PRMT3: variants seen among roughly 807,000 people sequenced by gnomAD.
PRMT3 encodes protein arginine methyltransferase 3.
PRMT3 carries 62 observed loss-of-function variants against 71.9 expected under a neutral mutation model. The observed-to-expected ratio is 0.86, with a 90% CI of 0.70 to 1.07. The LOEUF is 1.07. PRMT3 is among the 50% of genes least tolerant of loss of function. The pLI is 0.00. For synonymous variants in PRMT3, 213 were observed against 220.4 expected, an observed-to-expected ratio of 0.97 and a Z score of 0.30; for missense variants, 663 against 643.0, an observed-to-expected ratio of 1.03 and a Z score of -0.34.
chr11:20,459,067 C>T (rs775675240), intron 11 of PRMT3, among the ~76,000 whole-genome samples: 9 of 152,200 alleles, frequency 5.9e-5, no homozygotes, highest in Non-Finnish European at 7.4e-5. Flanking sequence ...TTCAACTCTG[C>T]CACTGTAGTG....
At chr11:20,426,002 A>G (rs1849537267) in intron 9 of PRMT3, among the ~76,000 whole-genome samples, 1 of 152,242 alleles carries the variant, frequency 6.6e-6, no homozygotes. Context: ...TGTAAACTTA[A>G]CCAGCAGCTT....
At chr11:20,394,674 C>T (rs1325792012) in intron 5 of PRMT3, among the ~76,000 whole-genome samples, 1 of 152,174 alleles carries the variant, frequency 6.6e-6, no homozygotes, top group Non-Finnish European at 1.5e-5. Flanking sequence ...ACTATAGTCA[C>T]TTTACAATAG....
Position 20,497,414 on chromosome 11 carries a change from C to A in PRMT3, c.1486+3160C>A, listed in dbSNP as rs900303818. Among the ~76,000 whole-genome samples the A allele has an allele frequency of 5.9e-5, 9 of 152,082 alleles. No homozygotes were observed. In the East Asian group the frequency reaches 1.5e-3, roughly 26 times the overall value. On this transcript the variant is annotated intron_variant, in intron 15 of 15. Transcript: ENST00000331079. ...CCAATGTATCACAAAATATTAGAAT[C>A]CCCTAAGAGAGTACAAGCTGAAGAA...
At chr11:20,451,226 G>A (rs913227165) in intron 10 of PRMT3, among the ~76,000 whole-genome samples, 8 of 151,658 alleles carry the variant, frequency 5.3e-5, no homozygotes, top group East Asian at 1.9e-4. Context: ...CTCTAAAATC[G>A]GTAGTACACC....
intron 8 of PRMT3, among the ~76,000 whole-genome samples, chr11:20,403,272 C>A (rs371289854): frequency 6.6e-6 from 1 of 152,018 alleles, no homozygotes; most frequent in African/African-American, 2.4e-5. Context: ...TTGCTTAAAC[C>A]ATATTTTTTG....
At chr11:20,478,085 T>G (rs1850840175) in intron 13 of PRMT3, among the ~76,000 whole-genome samples, 1 of 152,224 alleles carries the variant, frequency 6.6e-6, no homozygotes, top group South Asian at 2.1e-4. Flanking sequence ...TTTGCTCAGC[T>G]AGGAAGAATT....
At chr11:20,484,308 C>A (rs1851018647) in intron 13 of PRMT3, among the ~76,000 whole-genome samples, 1 of 152,112 alleles carries the variant, frequency 6.6e-6, no homozygotes, top group Non-Finnish European at 1.5e-5. Context: ...ATGTATTATA[C>A]CCTACTCTGG....
intron 9 of PRMT3, among the ~76,000 whole-genome samples, chr11:20,424,932 C>G (rs1219838653): frequency 6.6e-6 from 1 of 151,904 alleles, no homozygotes; most frequent in Non-Finnish European, 1.5e-5. Flanking sequence ...AGAGAAGCCC[C>G]ATCTCTACAA....
In PRMT3 at chr11:20,508,913, A is replaced by G; in HGVS notation, c.*500A>G. On this transcript the variant is annotated 3_prime_UTR_variant, in exon 16 of 16. Transcript: ENST00000331079. The stretch of plus-strand genomic sequence containing the variant: ...TAAAGATTTGTATAAAAAAACTAAA[A>G]TATGGAAAAGAGCTTCAGCCTTCAT... 5.2e-6 allele frequency: 1 copy of G among 191,264 alleles called. No individual in the cohort carries two copies. Among genetic ancestry groups the G allele is most frequent in the Non-Finnish European group, 1.1e-5 (1 of 89,940 alleles). 11.8% of individuals were successfully genotyped at this position (191,264 alleles called of 1,614,324 possible). A position where few individuals can be genotyped will look rare whatever the true frequency, so the allele number is the denominator to read the frequency against.
intron 13 of PRMT3, among the ~76,000 whole-genome samples, chr11:20,489,524 T>C (rs1238263683): frequency 6.6e-6 from 1 of 152,218 alleles, no homozygotes; most frequent in Non-Finnish European, 1.5e-5. Flanking sequence ...ACAGAGATAA[T>C]GTATATTCAT....
chr11:20,422,119 C>T (rs560714192), intron 9 of PRMT3, among the ~76,000 whole-genome samples: 1 of 152,252 alleles, frequency 6.6e-6, no homozygotes, highest in East Asian at 1.9e-4. Context: ...TCTTCACAGC[C>T]ACTTGGGGAT....
chr11:20,411,485 A>G (rs767662142), intron 9 of PRMT3, among the ~76,000 whole-genome samples: 1 of 152,106 alleles, frequency 6.6e-6, no homozygotes, highest in African/African-American at 2.4e-5. Context: ...GCTAGCTCCA[A>G]AGTATATCTA....
chr11:20,463,066 G>A (rs533433104), intron 12 of PRMT3, among the ~76,000 whole-genome samples: 5 of 152,066 alleles, frequency 3.3e-5, no homozygotes, highest in Middle Eastern at 3.2e-3. Flanking sequence ...GGGTTTCACC[G>A]TGTTGACCAG....
chr11:20,435,094 G>A (rs1346433030), intron 10 of PRMT3, among the ~76,000 whole-genome samples: 2 of 152,250 alleles, frequency 1.3e-5, no homozygotes, highest in South Asian at 2.1e-4. Flanking sequence ...GTGCTTTTGA[G>A]ATCATCTCCA....
chr11:20,401,174 T>C (rs1362271180), intron 7 of PRMT3, among the ~76,000 whole-genome samples: 2 of 152,122 alleles, frequency 1.3e-5, no homozygotes, highest in Non-Finnish European at 2.9e-5. Flanking sequence ...GGAATTCTTT[T>C]GATTAAGGGG....
chr11:20,482,280 T>C (rs548370264), intron 13 of PRMT3, among the ~76,000 whole-genome samples: 1 of 146,164 alleles, frequency 6.8e-6, no homozygotes, highest in East Asian at 1.9e-4. Flanking sequence ...GTGAGTGATA[T>C]TATAAAAGGA....
At position 20,388,108 on chromosome 11, in the gene PRMT3, G is replaced by T; in HGVS notation, c.118G>T (p.Asp40Tyr). The change falls in exon 2 of 16, where the codon GAT (aspartate) becomes TAT (tyrosine). Residue 40 changes from aspartate to tyrosine, a missense_variant. Coordinates refer to ENST00000331079, the MANE Select transcript of PRMT3 (RefSeq NM_005788.4). ...CGCCTGGGAGGATGAGGACGATGCA[G>T]ATCTCCCCCACGGCAAGCAGCAGAC... ...EAAWEDEDDA[D>Y]LPHGKQQTPC... 6.2e-7 allele frequency: 1 copy of T among 1,614,082 alleles called. No homozygotes were observed. Among genetic ancestry groups the T allele is most frequent in the Non-Finnish European group, 8.5e-7 (1 of 1,180,006 alleles).
At chr11:20,399,144 A>AT (rs2133307851) in intron 7 of PRMT3, among the ~76,000 whole-genome samples, 1 of 152,334 alleles carries the variant, frequency 6.6e-6, no homozygotes, top group Admixed American at 6.5e-5. Context: ...AGATGCCACC[A>AT]TTACCTGTTC....
chr11:20,495,335 C>T (rs1045044445), intron 15 of PRMT3, among the ~76,000 whole-genome samples: 1 of 151,864 alleles, frequency 6.6e-6, no homozygotes, highest in Non-Finnish European at 1.5e-5. Flanking sequence ...TTAAACCAGC[C>T]CAAGCAACAT....
Sources: allele counts gnomAD v4.1 joint callset (sites outside exome capture counted in the v4.1 genomes callset), GRCh38; gene constraint gnomAD v4.1.1; transcripts MANE v1.5; gene names NCBI Gene and HGNC (gene_info 2026-07-23, HGNC 2026-07-21).